Variants in NFIA observed in about 807,000 individuals in gnomAD.
NFIA encodes nuclear factor I A.
NFIA carries 8 observed loss-of-function variants against 62.8 expected under a neutral mutation model. The observed-to-expected ratio is 0.13, with a 90% CI of 0.07 to 0.23. The LOEUF (loss-of-function observed/expected upper bound fraction) is 0.23. NFIA is among the 10% of genes least tolerant of loss of function. The pLI is 1.00. For missense variants in NFIA, 410 were observed against 642.1 expected (o/e 0.64, Z 3.91); for synonymous variants, 235 against 238.1 (o/e 0.99, Z 0.12).
intron 10 of NFIA, among the ~76,000 whole-genome samples, chr1:61,446,456 G>A (rs1667815491): frequency 6.6e-6 from 1 of 152,110 alleles, no homozygotes; most frequent in Non-Finnish European, 1.5e-5. Flanking sequence ...GAGAGGGAGG[G>A]AGACACTAAC....
At chr1:61,368,308 C>T (rs1663703936) in intron 6 of NFIA, among the ~76,000 whole-genome samples, 3 of 152,160 alleles carry the variant, frequency 2.0e-5, no homozygotes, top group South Asian at 4.1e-4. Context: ...GTGGCCAACT[C>T]ATGGTGTGGC....
intron 2 of NFIA, among the ~76,000 whole-genome samples, chr1:61,126,990 G>T (rs377243934): frequency 2.0e-5 from 3 of 151,126 alleles, no homozygotes; most frequent in African/African-American, 7.3e-5. Flanking sequence ...ATGGGGTTTC[G>T]CCATGATGGC....
intron 10 of NFIA, among the ~76,000 whole-genome samples, chr1:61,448,995 C>T (rs1667945391): frequency 6.6e-6 from 1 of 152,182 alleles, no homozygotes; most frequent in South Asian, 2.1e-4. Flanking sequence ...GTCTTGAGGT[C>T]TGAACCAAAC....
intron 2 of NFIA, among the ~76,000 whole-genome samples, chr1:61,274,773 C>G (rs72911904): frequency 0.013 from 1,969 of 152,192 alleles, 43 homozygotes; most frequent in African/African-American, 0.045. Flanking sequence ...TCAATTATAC[C>G]TGGGTAGAAA....
At chr1:61,098,414 C>G (rs1371441270) in intron 2 of NFIA, among the ~76,000 whole-genome samples, 1 of 152,288 alleles carries the variant, frequency 6.6e-6, no homozygotes, top group East Asian at 1.9e-4. Context: ...TGGATGCACA[C>G]CATATAAAAA....
chr1:61,269,342 T>C (rs1037397478), intron 2 of NFIA, among the ~76,000 whole-genome samples: 10 of 152,354 alleles, frequency 6.6e-5, no homozygotes, highest in Non-Finnish European at 1.2e-4. Context: ...AGCTCTGTTT[T>C]GATACTTAAA....
intron 9 of NFIA, among the ~76,000 whole-genome samples, chr1:61,411,840 G>A (rs1024859315): frequency 4.6e-5 from 7 of 151,450 alleles, no homozygotes; most frequent in Non-Finnish European, 2.9e-5. Flanking sequence ...TAGGAGGAGA[G>A]GTTTCCAAGC....
At chr1:61,111,084 C>G (rs573341081) in intron 2 of NFIA, among the ~76,000 whole-genome samples, 2 of 152,190 alleles carry the variant, frequency 1.3e-5, no homozygotes, top group East Asian at 3.9e-4. Context: ...TACTTTCCTT[C>G]TATATAAGAT....
chr1:61,334,228 GAA>G (rs1042755100), intron 4 of NFIA, among the ~76,000 whole-genome samples: 4 of 152,142 alleles, frequency 2.6e-5, no homozygotes, highest in Admixed American at 1.3e-4. Flanking sequence ...GGAACCCTAA[GAA>G]ATGAGACATT....
At chr1:61,132,527 G>A (rs1647099226) in intron 2 of NFIA, among the ~76,000 whole-genome samples, 1 of 152,226 alleles carries the variant, frequency 6.6e-6, no homozygotes, top group Non-Finnish European at 1.5e-5. Context: ...CTTGGGAGCA[G>A]TTGAAATCCT....
intron 3 of NFIA, among the ~76,000 whole-genome samples, chr1:61,284,801 C>G (rs1422249855): frequency 6.6e-6 from 1 of 152,094 alleles, no homozygotes; most frequent in Non-Finnish European, 1.5e-5. Context: ...CCCCCCACCT[C>G]CAACCCTTCA....
At chr1:61,082,251 A>C (rs1490483188), upstream of NFIA, 6 of 504,616 alleles carry the variant, frequency 1.2e-5, no homozygotes, top group Non-Finnish European at 2.0e-5. Flanking sequence ...GCGAGCGAGC[A>C]AGGAGCGAGC....
chr1:61,156,822 A>G (rs1648849754), intron 2 of NFIA, among the ~76,000 whole-genome samples: 1 of 152,256 alleles, frequency 6.6e-6, no homozygotes, highest in African/African-American at 2.4e-5. Context: ...ACTTTGCTTT[A>G]AAAGGGTTTC....
chr1:61,195,768 A>C (rs1017436680), intron 2 of NFIA, among the ~76,000 whole-genome samples: 2 of 152,314 alleles, frequency 1.3e-5, no homozygotes, highest in South Asian at 2.1e-4. Flanking sequence ...CACAAGAAAT[A>C]TCTCTTTTAA....
intron 2 of NFIA, among the ~76,000 whole-genome samples, chr1:61,258,261 C>T (rs1002337794): frequency 2.0e-5 from 3 of 152,172 alleles, no homozygotes; most frequent in Non-Finnish European, 4.4e-5. Context: ...ATTGTGTATA[C>T]ATCATGCCAA....
intron 2 of NFIA, among the ~76,000 whole-genome samples, chr1:61,089,748 A>G (rs1159084203): frequency 5.0e-5 from 7 of 141,174 alleles, no homozygotes; most frequent in African/African-American, 1.8e-4. Flanking sequence ...AAAACACTGC[A>G]CTTTTCTTCA....
intron 7 of NFIA, among the ~76,000 whole-genome samples, chr1:61,394,572 A>C (rs908712420): frequency 6.6e-6 from 1 of 152,196 alleles, no homozygotes; most frequent in Admixed American, 6.5e-5. Flanking sequence ...GGAGTGAATG[A>C]TTTTACAACC....
chr1:61,429,156 C>T (rs1184714359), intron 10 of NFIA, among the ~76,000 whole-genome samples: 1 of 152,148 alleles, frequency 6.6e-6, no homozygotes, highest in Non-Finnish European at 1.5e-5. Context: ...AAGTAGGCAG[C>T]TTCAGACTAT....
At chr1:61,279,400 T>TA (rs199881233) in intron 3 of NFIA, among the ~76,000 whole-genome samples, 2,728 of 143,512 alleles carry the variant, frequency 0.019, 83 homozygotes, top group African/African-American at 0.062. Flanking sequence ...AGCAGGCAGT[T>TA]AAAAAAAAAA....
Sources: gnomAD v4.1 joint callset for allele counts (sites outside exome capture counted in the v4.1 genomes callset) on GRCh38, gnomAD v4.1.1 for gene constraint, MANE v1.5 for transcripts, NCBI Gene and HGNC (gene_info 2026-07-23, HGNC 2026-07-21) for gene names.